Variants in FRY observed in about 807,000 individuals in gnomAD.
The protein encoded by FRY is protein furry homolog.
FRY carries 128 observed loss-of-function variants against 348.4 expected under a neutral mutation model. The observed-to-expected ratio is 0.37, with a 90% CI of 0.32 to 0.43. The LOEUF is 0.43. Ranked by LOEUF, FRY falls within the 20% of genes least tolerant of loss-of-function variation. FRY has a pLI of 1.00. For missense variants in FRY, 2,736 were observed against 3,695.2 expected (o/e 0.74, Z 6.73); for synonymous variants, 1,370 against 1,374.7 (o/e 1.00, Z 0.08).
chr13:32,268,502 AAAAATATATATATATAT>A (rs1888042788), intron 55 of FRY, among the ~76,000 whole-genome samples: 1 of 16,982 alleles, frequency 5.9e-5, no homozygotes, highest in African/African-American at 1.6e-4. Flanking sequence ...AAAAAAAAAA[AAAAATATATATATATAT>A]ATATATATAT....
At chr13:32,215,232 A>G (rs1468136070) in intron 35 of FRY, among the ~76,000 whole-genome samples, 1 of 152,238 alleles carries the variant, frequency 6.6e-6, no homozygotes, top group Non-Finnish European at 1.5e-5. Flanking sequence ...TATTCAAGTT[A>G]ACAGTAATCT....
chr13:32,097,477 C>T (rs1385963285), intron 2 of FRY, among the ~76,000 whole-genome samples: 1 of 150,970 alleles, frequency 6.6e-6, no homozygotes. Context: ...TCTCCCACCT[C>T]AGCCTCCCTA....
rs989049995 is a variant in FRY, at chr13:32,209,700, G to C, written c.4391G>C (p.Gly1464Ala). 1 of 1,614,100 alleles carries C rather than the reference G, an allele frequency of 6.2e-7. No individual in the cohort carries two copies. The change falls in exon 33 of 61, where the codon GGG (glycine) becomes GCG (alanine). Residue 1464 changes from glycine (G) to alanine (A), a missense_variant. Physicochemically the swap from Gly to Ala is moderately conservative, Grantham distance 60. Transcript: ENST00000542859. ...ITLQFLISLCGVSSDTVLLPY... is the reference protein window; with the variant it reads ...ITLQFLISLCAVSSDTVLLPY... ...TTGCAGTTCCTGATTAGCCTCTGTG[G>C]GGTCAGCAGCGACACAGTTCTCCTA...
intron 39 of FRY, among the ~76,000 whole-genome samples, chr13:32,227,496 G>GA (rs1885642614): frequency 6.6e-6 from 1 of 152,132 alleles, no homozygotes; most frequent in South Asian, 2.1e-4. Context: ...TTAAATAGGG[G>GA]AAAAGGGATA....
At chr13:32,100,995 T>C (rs951976151) in intron 2 of FRY, among the ~76,000 whole-genome samples, 4 of 152,178 alleles carry the variant, frequency 2.6e-5, no homozygotes, top group African/African-American at 9.7e-5. Flanking sequence ...GGGGGATACA[T>C]TGAGGCCATA....
At chr13:32,060,660 C>T (rs1183013369) in intron 1 of FRY, among the ~76,000 whole-genome samples, 1 of 152,158 alleles carries the variant, frequency 6.6e-6, no homozygotes, top group Non-Finnish European at 1.5e-5. Context: ...AACCCCAGCC[C>T]GTTAGATCCA....
Position 32,194,311 on chromosome 13 carries a change from T to C in FRY, c.3746+14T>C. On this transcript the variant is annotated intron_variant, in intron 29 of 60. Coordinates refer to ENST00000542859, the MANE Select transcript of FRY (RefSeq NM_023037.3). ...GTGTGGAAGCAGGTACGAATTTTTA[T>C]AAGCAGTGATGAGTGGCAAGTATGT... 1 of 1,612,692 alleles carries C rather than the reference T, an allele frequency of 6.2e-7. No individual in the cohort carries two copies. The highest frequency in any genetic ancestry group is 1.7e-4 in the Middle Eastern group (1 of 6,058).
At chr13:32,178,470 G>GT in intron 21 of FRY, 34 bp downstream of exon 21, 1 of 1,611,418 alleles carries the variant, frequency 6.2e-7, no homozygotes, top group Non-Finnish European at 8.5e-7. Flanking sequence ...CTGCCCTCTT[G>GT]TTTTTCCATT....
In FRY at chr13:32,254,228, T is replaced by G; in HGVS notation, c.7250T>G (p.Ile2417Ser). The G allele has an allele frequency of 6.2e-7, 1 of 1,613,950 alleles. No homozygotes were observed. Among genetic ancestry groups the G allele is most frequent in the Non-Finnish European group, 8.5e-7 (1 of 1,179,962 alleles). ...GAGAGGACTCTTGATTCGCAGGTGA[T>G]TTTTTCATCGTGTGGGGATCTGGAT... ...EVGLSKNPSVIFSSCGDLDLL... is the reference protein window; with the variant it reads ...EVGLSKNPSVSFSSCGDLDLL... The change falls in exon 51 of 61, where the codon ATT becomes AGT. Residue 2417 changes from isoleucine (I) to serine (S), a missense_variant. Physicochemically the swap from Ile to Ser is moderately radical, Grantham distance 142. This residue lies in a region of FRY where 789 missense variants were observed against 996.2 expected (regional missense o/e 0.79). Coordinates refer to ENST00000542859, the MANE Select transcript of FRY (RefSeq NM_023037.3).
At chr13:32,243,502 A>G (rs541588068) in intron 46 of FRY, among the ~76,000 whole-genome samples, 4 of 152,324 alleles carry the variant, frequency 2.6e-5, no homozygotes, top group Admixed American at 2.6e-4. Context: ...CTTATTTGCC[A>G]AACTATCCAA....
intron 54 of FRY, among the ~76,000 whole-genome samples, chr13:32,266,969 G>A (rs1219973303): frequency 6.6e-6 from 1 of 152,194 alleles, no homozygotes; most frequent in Non-Finnish European, 1.5e-5. Context: ...GGGCGACAGA[G>A]CGAGACTCAA....
intron 11 of FRY, among the ~76,000 whole-genome samples, chr13:32,144,479 T>G (rs1345354883): frequency 4.0e-5 from 6 of 151,638 alleles, no homozygotes; most frequent in Non-Finnish European, 8.8e-5. Context: ...AAAGGAAATG[T>G]AGAACAGACC....
At chr13:32,178,042 G>T in intron 20 of FRY, 135 bp from the exon 21 acceptor site, 2 of 835,864 alleles carry the variant, frequency 2.4e-6, no homozygotes, top group Non-Finnish European at 4.1e-6. Flanking sequence ...GTGCAGGATT[G>T]GTGTTTCAGA....
intron 16 of FRY, among the ~76,000 whole-genome samples, chr13:32,158,951 C>CAAAAAAAAAAAAAAAAAAAAA (rs35585320): frequency 3.1e-5 from 1 of 32,774 alleles, no homozygotes; most frequent in Non-Finnish European, 5.7e-5. Context: ...GCTGTTTCCT[C>CAAAAAAAAAAAAAAAAAAAAA]AAAAAAAAAA....
intron 39 of FRY, among the ~76,000 whole-genome samples, chr13:32,226,897 G>A (rs1885612435): frequency 6.6e-6 from 1 of 152,174 alleles, no homozygotes; most frequent in South Asian, 2.1e-4. Context: ...TTTGAACCAA[G>A]CTACACTTAA....
At position 32,239,747 on chromosome 13, in the gene FRY, C is replaced by T. The variant is rs542229219; in HGVS notation, c.6553C>T (p.Leu2185Phe). Residue 2185 changes from leucine (L) to phenylalanine (F), a missense_variant, in exon 46 of 61, where the codon CTT becomes TTT. By Grantham distance (22) the Leu-to-Phe change is conservative. Around this residue, in one of 9 missense-constraint regions of FRY, gnomAD observed 789 missense variants for 996.2 expected, o/e 0.79. Transcript: ENST00000542859. This position sits in a 1 kb window ranked among gnomAD's most constrained non-coding sequence, Gnocchi z 4.3. Reference sequence around the variant, plus strand: ...AGAGAAGAACCCCAAACTTTCAAATCTTGCACATGTCATGACTCTTTATAA... The same window carrying T: ...AGAGAAGAACCCCAAACTTTCAAATTTTGCACATGTCATGACTCTTTATAA... ...LEEKNPKLSNLAHVMTLYKTH... is the reference protein window; with the variant it reads ...LEEKNPKLSNFAHVMTLYKTH... 1.2e-6 allele frequency: 2 copies of T among 1,613,792 alleles called. No homozygotes were observed. The highest frequency in any genetic ancestry group is 2.2e-5 in the East Asian group (1 of 44,884).
At chr13:32,167,729 C>T (rs1411573559) in intron 17 of FRY, among the ~76,000 whole-genome samples, 3 of 152,156 alleles carry the variant, frequency 2.0e-5, no homozygotes, top group Non-Finnish European at 4.4e-5. Context: ...GTCCTAAAAA[C>T]GGTGGCTTGT....
At chr13:32,152,777 A>T (rs774574402) in intron 14 of FRY, among the ~76,000 whole-genome samples, 18 of 152,202 alleles carry the variant, frequency 1.2e-4, no homozygotes, top group Admixed American at 2.0e-4. Flanking sequence ...ATTGAACATC[A>T]TCAAAATTAA....
intron 59 of FRY, among the ~76,000 whole-genome samples, chr13:32,290,993 A>G (rs770503466): frequency 2.6e-5 from 4 of 152,104 alleles, no homozygotes; most frequent in Non-Finnish European, 5.9e-5. Flanking sequence ...TGCATACTGG[A>G]CCAAGACCTG....
Sources: gnomAD v4.1 joint callset for allele counts (sites outside exome capture counted in the v4.1 genomes callset) on GRCh38, gnomAD v4.1.1 for gene constraint, gnomAD v4.1.1 regional missense constraint, Gnocchi (gnomAD v3.1) non-coding constraint, MANE v1.5 for transcripts, NCBI Gene and HGNC (gene_info 2026-07-23, HGNC 2026-07-21) for gene names.